SLC10A1: variants seen among roughly 807,000 people sequenced by gnomAD.
SLC10A1 encodes the protein hepatic sodium/bile acid cotransporter.
Under a neutral mutation model 20.5 loss-of-function variants are expected in SLC10A1, and 36 were observed. The ratio of observed to expected loss-of-function variants is 1.75; its 90% CI spans 1.34 to 2.32. The LOEUF (loss-of-function observed/expected upper bound fraction) is 2.32, where lower values mean the gene tolerates loss of function less well. Ranked by LOEUF, SLC10A1 falls within the 30% of genes most tolerant of loss-of-function variation. The pLI is 0.00. For missense variants in SLC10A1, 545 were observed against 439.1 expected, an observed-to-expected ratio of 1.24 and a Z score of -2.16; for synonymous variants, 188 against 163.6, an observed-to-expected ratio of 1.15 and a Z score of -1.14.
chr14:69,783,134 C>T (rs1193426664), intron 2 of SLC10A1, among the ~76,000 whole-genome samples: 2 of 152,166 alleles, frequency 1.3e-5, no homozygotes, highest in Non-Finnish European at 2.9e-5. Flanking sequence ...ATGATGCACA[C>T]AAACATGTTT....
At position 69,779,276 on chromosome 14, in the gene SLC10A1, T is replaced by G. The variant is rs1384849189; in HGVS notation, c.652A>C (p.Met218Leu). 1 of 1,613,928 alleles carries G rather than the reference T, an allele frequency of 6.2e-7. No individual in the cohort carries two copies. The highest frequency in any genetic ancestry group is 2.2e-5 in the East Asian group (1 of 44,884). Residue 218 changes from methionine to leucine, a missense_variant, in exon 3 of 5, where the codon ATG (methionine) becomes CTG (leucine). Physicochemically the swap from Met to Leu is conservative, Grantham distance 15 (BLOSUM62 2). Transcript: ENST00000216540. ...INVGKSIMFA[M>L]TPLLIATSSL... Reference sequence around the variant, plus strand: ...GAGGTGGCAATCAAGAGTGGTGTCATGGCAAACATGATGCTCTTCCCCACA... The same window carrying G: ...GAGGTGGCAATCAAGAGTGGTGTCAGGGCAAACATGATGCTCTTCCCCACA...
In SLC10A1 at chr14:69,786,139, G is replaced by T. The variant is rs202033349; in HGVS notation, c.525C>A (p.Val175=). Residue 175 remains valine, a synonymous_variant, in exon 2 of 5, where the codon GTC becomes GTA. Transcript: ENST00000216540. ...LVLIPCTIGI[V]LKSKRPQYMR... Reference sequence around the variant, plus strand: ...TGTATTGTGGCCGTTTGGATTTGAGGACGATCCCTATGGTGCAAGGAATGA... The same window carrying T: ...TGTATTGTGGCCGTTTGGATTTGAGTACGATCCCTATGGTGCAAGGAATGA... 4 of 1,614,116 alleles carry T rather than the reference G, an allele frequency of 2.5e-6. No individual in the cohort carries two copies. In the South Asian group the frequency reaches 4.4e-5, roughly 18 times the overall value.
rs200816244 is a variant in SLC10A1, at chr14:69,796,868, A to G, written c.288T>C (p.Cys96=). ...KNIEALAILV[C]GCSPGGNLSN... Reference sequence around the variant, plus strand: ...ACAGGTTCCCTCCAGGTGAGCAGCCACAGACCAAGATGGCCAGTGCCTCAA... The same window carrying G: ...ACAGGTTCCCTCCAGGTGAGCAGCCGCAGACCAAGATGGCCAGTGCCTCAA... The change falls in exon 1 of 5, where the codon TGT becomes TGC. Residue 96 remains cysteine, a synonymous_variant. Coordinates refer to ENST00000216540, the MANE Select transcript of SLC10A1 (RefSeq NM_003049.4). 8 of 1,614,232 alleles carry G rather than the reference A, an allele frequency of 5.0e-6. No homozygotes were observed. Among genetic ancestry groups the G allele is most frequent in the Middle Eastern group, 1.6e-4 (1 of 6,062 alleles).
chr14:69,787,902 A>G (rs1218632324), intron 1 of SLC10A1, among the ~76,000 whole-genome samples: 1 of 152,008 alleles, frequency 6.6e-6, no homozygotes, highest in East Asian at 1.9e-4. Flanking sequence ...CAAAAACCAC[A>G]CACAAAAATT....
intron 4 of SLC10A1, among the ~76,000 whole-genome samples, chr14:69,777,578 G>GTTTTTTTTTTTTTTT (rs4646293): frequency 1.4e-5 from 1 of 72,446 alleles, no homozygotes; most frequent in African/African-American, 5.2e-5. Context: ...TGAATGTCCT[G>GTTTTTTTTTTTTTTT]TTTTTTTTTT....
At chr14:69,777,590 TTTTTTTTTTTTTTTTA>T (rs1883476909) in intron 4 of SLC10A1, among the ~76,000 whole-genome samples, 2 of 95,562 alleles carry the variant, frequency 2.1e-5, no homozygotes, top group African/African-American at 1.1e-4. Context: ...TTTTTTTTTT[TTTTTTTTTTTTTTTTA>T]AAATTGGTGT....
In SLC10A1 at chr14:69,779,160, TAAAAA is replaced by T; in HGVS notation, c.746+17_746+21del. The T allele has an allele frequency of 2.9e-6, 4 of 1,396,528 alleles. No homozygotes were observed. Among genetic ancestry groups the T allele is most frequent in the South Asian group, 1.3e-5 (1 of 75,322 alleles). The allele number at this position is 1,396,528 out of a possible 1,614,324, so 86.5% of individuals were successfully genotyped here. On this transcript the variant is annotated intron_variant, in intron 3 of 4. Transcript: ENST00000216540. ...TGGGCAACAGAGTGAGACCCTTTCT[TAAAAA>T]AAAAAAAAATACCTACCGTCCATTG...
chr14:69,792,438 A>G (rs1019796083), intron 1 of SLC10A1, among the ~76,000 whole-genome samples: 14 of 152,222 alleles, frequency 9.2e-5, no homozygotes, highest in African/African-American at 3.4e-4. Flanking sequence ...TGAATGGCCA[A>G]CGCACACGTG....
Position 69,779,323 on chromosome 14 carries a change from AC to A in SLC10A1, c.604del (p.Val202SerfsTer17). 1 of 1,614,014 alleles carries A rather than the reference AC, an allele frequency of 6.2e-7. No individual in the cohort carries two copies. Among genetic ancestry groups the A allele is most frequent in the Non-Finnish European group, 8.5e-7 (1 of 1,179,966 alleles). On this transcript the variant is annotated frameshift_variant, in exon 3 of 5. Transcript: ENST00000216540. LOFTEE classifies it high-confidence loss of function. ...CACATTGATGGCAGAGAGAACTGTG[AC>A]GGCCACACTGCACAAGAGAATGATG... ...MIIILLCSVA[V>X]TVLSAINVGK...
chr14:69,776,584 A>T (rs372916955), intron 4 of SLC10A1, among the ~76,000 whole-genome samples, 196 bp from the exon 5 acceptor site: 1 of 152,192 alleles, frequency 6.6e-6, no homozygotes, highest in South Asian at 2.1e-4. Flanking sequence ...TGGTAGTACT[A>T]GTAGTAAAAG....
At chr14:69,790,195 G>C (rs1883807187) in intron 1 of SLC10A1, among the ~76,000 whole-genome samples, 1 of 152,082 alleles carries the variant, frequency 6.6e-6, no homozygotes, top group Non-Finnish European at 1.5e-5. Context: ...TTAATAAGCA[G>C]TTCAAAACCT....
At chr14:69,783,544 T>G (rs1206225662) in intron 2 of SLC10A1, among the ~76,000 whole-genome samples, 2 of 151,958 alleles carry the variant, frequency 1.3e-5, no homozygotes, top group East Asian at 3.9e-4. Flanking sequence ...GTGTTCCAGG[T>G]GAAGAGAAGG....
chr14:69,776,940 C>T (rs999037798), intron 4 of SLC10A1, among the ~76,000 whole-genome samples: 19 of 152,192 alleles, frequency 1.2e-4, no homozygotes, highest in African/African-American at 4.1e-4. Context: ...ACAGATTCCT[C>T]CCCCCTGAGA....
chr14:69,780,885 C>G (rs894033300), intron 2 of SLC10A1, among the ~76,000 whole-genome samples: 2 of 152,174 alleles, frequency 1.3e-5, no homozygotes, highest in Non-Finnish European at 2.9e-5. Context: ...TAATCTCTAT[C>G]AAGAGTGGAG....
intron 4 of SLC10A1, 26 bp downstream of exon 4, chr14:69,778,307 G>T: frequency 1.9e-6 from 3 of 1,548,574 alleles, no homozygotes; most frequent in Non-Finnish European, 2.6e-6. Context: ...AGCAGAACTT[G>T]AAGTGGGGAT....
Position 69,797,002 on chromosome 14 carries a change from T to C in SLC10A1, c.154A>G (p.Lys52Glu), listed in dbSNP as rs776915001. 1 of 1,614,240 alleles carries C rather than the reference T, an allele frequency of 6.2e-7. No individual in the cohort carries two copies. Among genetic ancestry groups the C allele is most frequent in the Admixed American group, 1.7e-5 (1 of 60,036 alleles). Residue 52 changes from lysine (K) to glutamate (E), a missense_variant, in exon 1 of 5, where the codon AAG (lysine) becomes GAG (glutamate). Coordinates refer to ENST00000216540, the MANE Select transcript of SLC10A1 (RefSeq NM_003049.4). The stretch of plus-strand genomic sequence containing the variant: ...CCTTTAGGCTTCCATAAGTGAGCCT[T>C]GATCTTGCTGAACTCCATGGTGCAG... ...LGCTMEFSKI[K>E]AHLWKPKGLA...
intron 1 of SLC10A1, among the ~76,000 whole-genome samples, chr14:69,791,225 CTT>C (rs1228621342): frequency 4.6e-5 from 7 of 151,736 alleles, no homozygotes; most frequent in East Asian, 1.9e-4. Context: ...AACTTCCAGA[CTT>C]ATAATTTTTT....
chr14:69,776,490 G>T, intron 4 of SLC10A1, 102 bp from the exon 5 acceptor site: 1 of 858,990 alleles, frequency 1.2e-6, no homozygotes, highest in East Asian at 2.6e-5. Flanking sequence ...CTCAGCCCTA[G>T]AGTGTGCTAA....
At position 69,776,153 on chromosome 14, in the gene SLC10A1, T is replaced by G. The variant is rs1405266176; in HGVS notation, c.*129A>C. ...GTGTTCCCGGCCAAGACTTGATGAT[T>G]CTGATAGATGTACTGGAAATGCTGG... On this transcript the variant is annotated 3_prime_UTR_variant, in exon 5 of 5. Coordinates refer to ENST00000216540, the MANE Select transcript of SLC10A1 (RefSeq NM_003049.4). 1.6e-5 allele frequency: 11 copies of G among 693,180 alleles called. No individual in the cohort carries two copies. The highest frequency in any genetic ancestry group is 2.8e-5 in the Non-Finnish European group (11 of 397,020). The allele number at this position is 693,180 out of a possible 1,614,324, so 42.9% of individuals were successfully genotyped here.
Sources: gnomAD v4.1 joint callset for allele counts (sites outside exome capture counted in the v4.1 genomes callset) on GRCh38, gnomAD v4.1.1 for gene constraint, MANE v1.5 for transcripts, NCBI Gene and HGNC (gene_info 2026-07-23, HGNC 2026-07-21) for gene names.